Variants in PCDHA4 observed in about 807,000 individuals in gnomAD.
PCDHA4 encodes protocadherin alpha 4.
Under a neutral mutation model 61.4 loss-of-function variants are expected in PCDHA4, and 49 were observed. The observed-to-expected ratio is 0.80, with a 90% confidence interval of 0.63 to 1.01. The LOEUF is 1.01. Ranked by LOEUF, PCDHA4 falls within the 50% of genes least tolerant of loss-of-function variation. PCDHA4 has a pLI of 0.00. For synonymous variants in PCDHA4, 590 were observed against 550.3 expected (o/e 1.07, Z -1.01); for missense variants, 1,254 against 1,235.8 (o/e 1.01, Z -0.22).
chr5:140,986,793 G>A lies in PCDHA4; in HGVS notation c.2533+4230G>A, dbSNP rs945707149. 6.6e-5 allele frequency among the ~76,000 whole-genome samples: 10 copies of A among 152,312 alleles called. No homozygotes were observed. In the East Asian group the frequency reaches 1.7e-3, roughly 26 times the overall value. ...TTAGGTAGCGGAAGCCACTAAGGCA[G>A]TGAGTCTTAGTTAGAGAACTTTGGT... On this transcript the variant is annotated intron_variant, in intron 3 of 3. Coordinates refer to ENST00000530339, the MANE Select transcript of PCDHA4 (RefSeq NM_018907.4).
intron 1 of PCDHA4, chr5:140,869,342 A>G (rs782505088): frequency 1.2e-6 from 2 of 1,614,050 alleles, no homozygotes; most frequent in Admixed American, 3.3e-5. Flanking sequence ...GTAAATCTGC[A>G]GAATGGCATT....
chr5:140,857,750 C>T (rs781977975), intron 1 of PCDHA4: 1 of 1,597,430 alleles, frequency 6.3e-7, no homozygotes, highest in Non-Finnish European at 8.6e-7. Context: ...GCTGGCGTCT[C>T]CCGCTGGCAG....
At chr5:140,876,173 A>T (rs369965805) in intron 1 of PCDHA4, 66 of 1,613,862 alleles carry the variant, frequency 4.1e-5, no homozygotes, top group Middle Eastern at 1.6e-4. Context: ...ACCGTCCTGG[A>T]TGTGAATGAC....
At chr5:140,973,921 C>T (rs1407436010) in intron 1 of PCDHA4, among the ~76,000 whole-genome samples, 1 of 152,210 alleles carries the variant, frequency 6.6e-6, no homozygotes, top group Non-Finnish European at 1.5e-5. Context: ...TGTCACCAAA[C>T]CCAGAGGTTT....
chr5:140,870,264 G>C (rs1554163970), intron 1 of PCDHA4: 1 of 1,614,166 alleles, frequency 6.2e-7, no homozygotes, highest in South Asian at 1.1e-5. Context: ...TGACCTGCTC[G>C]CTGACGCCCC....
intron 1 of PCDHA4, chr5:140,848,444 C>A: frequency 6.7e-7 from 1 of 1,498,894 alleles, no homozygotes; most frequent in Non-Finnish European, 9.1e-7. Flanking sequence ...CAGATGATTT[C>A]TTCTAATTTG....
At chr5:140,876,531 T>G in intron 1 of PCDHA4, 1 of 1,614,200 alleles carries the variant, frequency 6.2e-7, no homozygotes, top group South Asian at 1.1e-5. Flanking sequence ...TAATGGTTAC[T>G]TCACTGTCGC....
At chr5:140,835,560 G>C in intron 1 of PCDHA4, 1 of 1,613,902 alleles carries the variant, frequency 6.2e-7, no homozygotes. Context: ...GACGCCCCGC[G>C]TTCCCTTCAA....
chr5:140,877,684 A>C, intron 1 of PCDHA4: 1 of 1,613,768 alleles, frequency 6.2e-7, no homozygotes, highest in East Asian at 2.2e-5. Flanking sequence ...GGGCAAGCCC[A>C]CGCTGGTGTG....
intron 1 of PCDHA4, chr5:140,836,594 C>G (rs2150264886): frequency 4.3e-6 from 7 of 1,613,766 alleles, no homozygotes; most frequent in Non-Finnish European, 4.2e-6. Context: ...TGGTAAAGCC[C>G]ACTCTGGTGT....
At chr5:140,855,820 T>C (rs2043635230) in intron 1 of PCDHA4, 2 of 529,480 alleles carry the variant, frequency 3.8e-6, no homozygotes, top group South Asian at 3.2e-5. Flanking sequence ...AGTTGTGAAC[T>C]CATGGAATCG....
chr5:140,808,970 C>G lies in PCDHA4; in HGVS notation c.1783C>G (p.Arg595Gly). Residue 595 changes from arginine to glycine, a missense_variant, in exon 1 of 4, where the codon CGC becomes GGC. By Grantham distance (125) the Arg-to-Gly change is moderately radical. Coordinates refer to ENST00000530339, the MANE Select transcript of PCDHA4 (RefSeq NM_018907.4). ...TGTGGGCCACGTGGTGGCAAAGGTG[C>G]GCGCGGTGGATGCTGACTCGGGCTA... ...VGVGHVVAKVRAVDADSGYNA... is the reference protein window; with the variant it reads ...VGVGHVVAKVGAVDADSGYNA... The G allele has an allele frequency of 6.2e-7, 1 of 1,613,572 alleles. No homozygotes were observed. The highest frequency in any genetic ancestry group is 8.5e-7 in the Non-Finnish European group (1 of 1,179,684).
intron 1 of PCDHA4, chr5:140,851,006 T>G (rs2041921883): frequency 7.0e-7 from 1 of 1,437,372 alleles, no homozygotes; most frequent in Non-Finnish European, 9.2e-7. Flanking sequence ...TCCAGCAGAT[T>G]TTTTTTCTGA....
chr5:140,882,658 G>A (rs2059245402), intron 1 of PCDHA4: 3 of 1,614,148 alleles, frequency 1.9e-6, no homozygotes, highest in Middle Eastern at 1.7e-4. Context: ...ACGACAACCC[G>A]CCCATATTCC....
chr5:140,982,288 T>G, intron 2 of PCDHA4, 187 bp from the exon 3 acceptor site: 1 of 1,088,080 alleles, frequency 9.2e-7, no homozygotes, highest in Admixed American at 2.9e-5. Context: ...AGGCAATAAG[T>G]AAGTCAGCAA....
intron 1 of PCDHA4, among the ~76,000 whole-genome samples, chr5:140,946,631 T>TATATATATACAC (rs57893927): frequency 0.012 from 1,602 of 131,782 alleles, 27 homozygotes; most frequent in South Asian, 0.028. Flanking sequence ...TATATATATA[T>TATATATATACAC]ACAATGGAAT....
intron 1 of PCDHA4, chr5:140,967,271 A>T (rs1007708043): frequency 6.2e-7 from 1 of 1,613,338 alleles, no homozygotes; most frequent in African/African-American, 1.3e-5. Context: ...GCGCTTTCAC[A>T]TAGAGAGTGC....
At position 141,010,550 on chromosome 5, in the gene PCDHA4, ACCCC is replaced by A; in HGVS notation, c.*615_*618del. 6.3e-6 allele frequency: 2 copies of A among 316,712 alleles called. No homozygotes were observed. Among genetic ancestry groups the A allele is most frequent in the South Asian group, 1.1e-4 (2 of 17,516 alleles). The allele number at this position is 316,712 out of a possible 1,614,324, so 19.6% of individuals were successfully genotyped here. A position where few individuals can be genotyped will look rare whatever the true frequency, so the allele number is the denominator to read the frequency against. On this transcript the variant is annotated 3_prime_UTR_variant, in exon 4 of 4. Coordinates refer to ENST00000530339, the MANE Select transcript of PCDHA4 (RefSeq NM_018907.4). ...CAGCCACCCTCTAGGAGACAAAACT[ACCCC>A]CACTGACAAGGCTTTAGGAGACCCT...
In PCDHA4 at chr5:141,009,984, G is replaced by A. The variant is rs782207623; in HGVS notation, c.*47G>A. 6.3e-7 allele frequency: 1 copy of A among 1,581,532 alleles called. No homozygotes were observed. Among genetic ancestry groups the A allele is most frequent in the Admixed American group, 1.9e-5 (1 of 53,968 alleles). On this transcript the variant is annotated 3_prime_UTR_variant, in exon 4 of 4. Transcript: ENST00000530339. ...CACTTAGCCAGTTTTTGTAATAATG[G>A]CAAATCTCTCCCATGTAGCAATTCC... is the stretch of plus-strand genomic sequence containing the variant.
Sources: allele counts gnomAD v4.1 joint callset (sites outside exome capture counted in the v4.1 genomes callset), GRCh38; gene constraint gnomAD v4.1.1; transcripts MANE v1.5; gene names NCBI Gene and HGNC (gene_info 2026-07-23, HGNC 2026-07-21).